Variants in EIF3J observed in about 807,000 individuals in gnomAD.
The protein encoded by EIF3J is eukaryotic translation initiation factor 3 subunit J.
A neutral mutation model predicts 39.0 loss-of-function variants in EIF3J; 15 were observed. That is an observed-to-expected ratio of 0.38 (90% CI 0.26 to 0.59). The LOEUF (loss-of-function observed/expected upper bound fraction) is 0.59, where lower values mean the gene tolerates loss of function less well. Ranked by LOEUF, EIF3J falls within the 20% of genes least tolerant of loss-of-function variation. EIF3J has a pLI of 0.60. For synonymous variants in EIF3J, 98 were observed against 112.9 expected (o/e 0.87, Z 0.84); for missense variants, 226 against 308.6 (o/e 0.73, Z 2.00).
chr15:44,546,219 C>T (rs1169720098), intron 2 of EIF3J, among the ~76,000 whole-genome samples: 1 of 152,208 alleles, frequency 6.6e-6, no homozygotes. Flanking sequence ...ATTTCTAACT[C>T]TAGTATCACA....
chr15:44,560,382 A>C, intron 7 of EIF3J, 60 bp downstream of exon 7: 1 of 1,482,676 alleles, frequency 6.7e-7, no homozygotes, highest in Non-Finnish European at 9.3e-7. Context: ...TAGGTCTAAC[A>C]GTCAACAAAT....
At chr15:44,557,396 A>G (rs2082153998) in intron 5 of EIF3J, 93 bp from the exon 6 acceptor site, 3 of 948,652 alleles carry the variant, frequency 3.2e-6, no homozygotes, top group African/African-American at 1.7e-5. Flanking sequence ...GAATGAAACG[A>G]CAGGGTTATT....
chr15:44,537,810 T>C (rs1216598377), intron 2 of EIF3J, among the ~76,000 whole-genome samples: 1 of 152,194 alleles, frequency 6.6e-6, no homozygotes, highest in Non-Finnish European at 1.5e-5. Context: ...GACTCGCCTG[T>C]CTTTTCGAGC....
chr15:44,558,829 A>G (rs1426318799), intron 6 of EIF3J: 1 of 152,160 alleles, frequency 6.6e-6, no homozygotes, highest in East Asian at 1.9e-4. Flanking sequence ...AGGGTTCTAC[A>G]TTTGATTGGT....
chr15:44,550,036 T>C (rs192293588), intron 2 of EIF3J, among the ~76,000 whole-genome samples: 114 of 152,186 alleles, frequency 7.5e-4, no homozygotes, highest in Middle Eastern at 3.4e-3. Context: ...AATAGAGGCA[T>C]TTCCATCAAG....
chr15:44,554,612 G>A lies in EIF3J; in HGVS notation c.354G>A (p.Leu118=). The part of the protein sequence containing the change: ...LTPEEQLADK[L]RLKKLQEESD... ...CAGAAGAACAATTAGCAGATAAACT[G>A]CGGCTAAAGAAATTACAGGAAGAGT... Residue 118 remains leucine (L), a synonymous_variant, in exon 5 of 8, where the codon CTG becomes CTA. Coordinates refer to ENST00000261868, the MANE Select transcript of EIF3J (RefSeq NM_003758.4). The A allele has an allele frequency of 6.2e-7, 1 of 1,612,964 alleles. No homozygotes were observed. The highest frequency in any genetic ancestry group is 8.5e-7 in the Non-Finnish European group (1 of 1,179,596).
intron 2 of EIF3J, among the ~76,000 whole-genome samples, chr15:44,539,962 TAG>T (rs1268201996): frequency 3.5e-5 from 5 of 144,254 alleles, no homozygotes; most frequent in African/African-American, 7.7e-5. Context: ...TTTTTTGAGA[TAG>T]AGTCTTGCTC....
Position 44,561,157 on chromosome 15 carries a change from T to C in EIF3J, c.*8T>C. ...TATGAAGACTTCATGTGACATTTTA[T>C]CTTTTCTTGGTGTCATCTTTATGTT... On this transcript the variant is annotated 3_prime_UTR_variant, in exon 8 of 8. Transcript: ENST00000261868. 3.1e-6 allele frequency: 5 copies of C among 1,607,748 alleles called. No individual in the cohort carries two copies. Among genetic ancestry groups the C allele is most frequent in the East Asian group, 2.2e-5 (1 of 44,812 alleles).
chr15:44,545,952 G>T (rs2082049507), intron 2 of EIF3J, among the ~76,000 whole-genome samples: 2 of 152,178 alleles, frequency 1.3e-5, no homozygotes, highest in African/African-American at 4.8e-5. Flanking sequence ...CAGGACTGTT[G>T]TGAGAATTAA....
intron 2 of EIF3J, among the ~76,000 whole-genome samples, chr15:44,549,187 A>C (rs1466566967): frequency 1.3e-5 from 2 of 150,890 alleles, no homozygotes; most frequent in Non-Finnish European, 3.0e-5. Context: ...TGAGGTTGGG[A>C]GTTCGAGATC....
chr15:44,541,226 A>G (rs753525988), intron 2 of EIF3J, among the ~76,000 whole-genome samples: 1 of 152,172 alleles, frequency 6.6e-6, no homozygotes, highest in Non-Finnish European at 1.5e-5. Context: ...GATATGTAGG[A>G]TGTGTTGACT....
intron 2 of EIF3J, among the ~76,000 whole-genome samples, chr15:44,545,289 CTG>C (rs1322563284): frequency 2.0e-5 from 3 of 152,104 alleles, no homozygotes; most frequent in Non-Finnish European, 1.5e-5. Flanking sequence ...GTTTACCAGA[CTG>C]TGAATTTTGT....
chr15:44,539,515 C>G (rs2081990545), intron 2 of EIF3J, among the ~76,000 whole-genome samples: 1 of 151,666 alleles, frequency 6.6e-6, no homozygotes, highest in East Asian at 2.0e-4. Flanking sequence ...TCACTCCATT[C>G]TCCTGCCTCA....
intron 2 of EIF3J, among the ~76,000 whole-genome samples, chr15:44,547,440 C>CTTTTTTT (rs986408245): frequency 9.5e-4 from 88 of 92,508 alleles, no homozygotes; most frequent in Non-Finnish European, 1.4e-3. Flanking sequence ...GGCCTTGATT[C>CTTTTTTT]TTTTTTTTTT....
intron 4 of EIF3J, among the ~76,000 whole-genome samples, chr15:44,553,554 T>C (rs1473132203): frequency 1.3e-5 from 2 of 152,110 alleles, no homozygotes; most frequent in African/African-American, 4.8e-5. Flanking sequence ...TACACTAAGC[T>C]GTCAACTGTC....
At chr15:44,545,068 G>A (rs2082043053) in intron 2 of EIF3J, among the ~76,000 whole-genome samples, 1 of 151,982 alleles carries the variant, frequency 6.6e-6, no homozygotes, top group African/African-American at 2.4e-5. Context: ...TTGGTAACCA[G>A]TATACCTCTA....
In EIF3J at chr15:44,554,655, A is replaced by C. The variant is rs1472220663; in HGVS notation, c.397A>C (p.Lys133Gln). ...LQEESDLELA[K>Q]ETFGVNNAVY... ...GGAAGAGTCAGACCTCGAATTAGCA[A>C]AGGAAACTTTTGGTAAGACGGGATT... is the stretch of plus-strand genomic sequence containing the variant. The change falls in exon 5 of 8, where the codon AAG becomes CAG. Residue 133 changes from lysine (K) to glutamine (Q), a missense_variant. Lys to Gln is a moderately conservative substitution (Grantham distance 53). Transcript: ENST00000261868. 1.2e-6 allele frequency: 2 copies of C among 1,609,730 alleles called. No homozygotes were observed. The highest frequency in any genetic ancestry group is 1.7e-6 in the Non-Finnish European group (2 of 1,177,810).
At chr15:44,543,306 G>A (rs1375859466) in intron 2 of EIF3J, among the ~76,000 whole-genome samples, 1 of 152,096 alleles carries the variant, frequency 6.6e-6, no homozygotes, top group Non-Finnish European at 1.5e-5. Flanking sequence ...TAACTTCAGG[G>A]CAGACTTGTA....
intron 4 of EIF3J, among the ~76,000 whole-genome samples, chr15:44,552,207 T>C (rs2082105196): frequency 6.6e-6 from 1 of 152,154 alleles, no homozygotes; most frequent in Admixed American, 6.6e-5. Context: ...AATGTATTTG[T>C]TTTTGATTTT....
Sources: gnomAD v4.1 joint callset for allele counts (sites outside exome capture counted in the v4.1 genomes callset) on GRCh38, gnomAD v4.1.1 for gene constraint, MANE v1.5 for transcripts, NCBI Gene and HGNC (gene_info 2026-07-23, HGNC 2026-07-21) for gene names.